PACSIN2: variants seen among roughly 807,000 people sequenced by gnomAD.
PACSIN2 encodes the protein protein kinase C and casein kinase substrate in neurons protein 2.
In PACSIN2, 25 loss-of-function variants were observed where a neutral mutation model predicts 63.8. That is an observed-to-expected ratio of 0.39 (90% CI 0.29 to 0.55). The LOEUF (loss-of-function observed/expected upper bound fraction) is 0.55, where lower values mean the gene tolerates loss of function less well. Ranked by LOEUF, PACSIN2 falls within the 20% of genes least tolerant of loss-of-function variation. PACSIN2 has a pLI of 0.62. For missense variants in PACSIN2, 518 were observed against 646.9 expected, an observed-to-expected ratio of 0.80 and a Z score of 2.16; for synonymous variants, 255 against 256.2, an observed-to-expected ratio of 1.00 and a Z score of 0.05.
In PACSIN2 at chr22:42,911,221, A is replaced by G. The variant is rs979032171; in HGVS notation, c.60+800T>C. ...GCCCGGCCATGCAAAGCCTCTTTCCATGAAGGCCAAGAAAGCTCCAGGGGT... is the reference window on the plus strand; with the variant it reads ...GCCCGGCCATGCAAAGCCTCTTTCCGTGAAGGCCAAGAAAGCTCCAGGGGT... On this transcript the variant is annotated intron_variant, in intron 2 of 10. Coordinates refer to ENST00000263246, the MANE Select transcript of PACSIN2 (RefSeq NM_001184970.3). Among the ~76,000 whole-genome samples, 8 of 151,902 alleles carry G rather than the reference A, an allele frequency of 5.3e-5. 1 individual carries two copies. The highest frequency in any genetic ancestry group is 3.9e-4 in the Admixed American group (6 of 15,222).
chr22:42,963,846 A>ATT (rs5845574), intron 1 of PACSIN2, among the ~76,000 whole-genome samples: 1 of 150,518 alleles, frequency 6.6e-6, no homozygotes, highest in African/African-American at 2.4e-5. Flanking sequence ...AATTTCTACA[A>ATT]TTTTTTTTTC....
intron 8 of PACSIN2, among the ~76,000 whole-genome samples, chr22:42,877,701 G>A (rs866271907): frequency 3.9e-5 from 6 of 152,200 alleles, no homozygotes; most frequent in South Asian, 2.1e-4. Context: ...GCTGGGAGCC[G>A]GGAGCTGAGT....
intron 1 of PACSIN2, among the ~76,000 whole-genome samples, chr22:42,971,314 C>T (rs927110865): frequency 1.3e-5 from 2 of 152,268 alleles, no homozygotes; most frequent in South Asian, 2.1e-4. Context: ...CTCCAGCTCC[C>T]GACCGCAAGT....
At chr22:42,945,077 G>A (rs1000776762) in intron 1 of PACSIN2, among the ~76,000 whole-genome samples, 5 of 142,042 alleles carry the variant, frequency 3.5e-5, no homozygotes, top group African/African-American at 1.1e-4. Context: ...TAGCCTGGAC[G>A]ACAGGGCAAG....
intron 1 of PACSIN2, among the ~76,000 whole-genome samples, chr22:42,913,092 A>G (rs974034116): frequency 6.6e-6 from 1 of 152,190 alleles, no homozygotes; most frequent in East Asian, 1.9e-4. Flanking sequence ...GAGTCAGACT[A>G]CCTAGGCTTA....
intron 2 of PACSIN2, 103 bp from the exon 3 acceptor site, chr22:42,893,716 G>A: frequency 8.5e-7 from 1 of 1,178,856 alleles, no homozygotes; most frequent in East Asian, 2.4e-5. Flanking sequence ...GCGCCCCTGG[G>A]GTCATGTTTA....
chr22:42,883,884 A>G (rs565150355), intron 6 of PACSIN2, among the ~76,000 whole-genome samples: 147 of 152,268 alleles, frequency 9.7e-4, no homozygotes, highest in African/African-American at 3.4e-3. Flanking sequence ...CATGCCTGTA[A>G]TCCCAGCTAC....
chr22:42,882,084 A>G, intron 7 of PACSIN2, 100 bp downstream of exon 7: 2 of 1,393,960 alleles, frequency 1.4e-6, no homozygotes, highest in South Asian at 2.3e-5. Context: ...CAGGGCAAAC[A>G]CTAACATAGA....
At chr22:42,888,879 G>T in intron 4 of PACSIN2, 81 bp from the exon 5 acceptor site, 2 of 1,428,558 alleles carry the variant, frequency 1.4e-6, no homozygotes, top group South Asian at 1.2e-5. Flanking sequence ...CCATGGGAAT[G>T]CTTGTGCTAC....
intron 1 of PACSIN2, among the ~76,000 whole-genome samples, chr22:42,981,159 G>T (rs1348211835): frequency 7.4e-6 from 1 of 135,346 alleles, no homozygotes. Context: ...TGTGAGGAGC[G>T]CCTCTGCTGG....
At chr22:42,973,420 C>A (rs1921467368) in intron 1 of PACSIN2, among the ~76,000 whole-genome samples, 1 of 96,446 alleles carries the variant, frequency 1.0e-5, no homozygotes, top group Non-Finnish European at 2.1e-5. Flanking sequence ...GGAATCTGTA[C>A]CACACTGTTT....
chr22:42,896,324 T>A (rs1255708669), intron 2 of PACSIN2, among the ~76,000 whole-genome samples: 2 of 152,148 alleles, frequency 1.3e-5, no homozygotes, highest in Admixed American at 6.5e-5. Flanking sequence ...TGATCCATGT[T>A]GCTATCTACG....
intron 1 of PACSIN2, among the ~76,000 whole-genome samples, chr22:42,977,079 T>G (rs777502695): frequency 2.0e-5 from 3 of 152,040 alleles, no homozygotes; most frequent in Non-Finnish European, 4.4e-5. Context: ...TATATAAACA[T>G]ATATATGCAT....
chr22:42,999,752 C>T (rs982803553), intron 1 of PACSIN2, among the ~76,000 whole-genome samples: 4 of 152,176 alleles, frequency 2.6e-5, no homozygotes, highest in African/African-American at 9.7e-5. Flanking sequence ...CCCTAACTTG[C>T]TGGGGAGACA....
chr22:42,962,668 G>A (rs1278669323), intron 1 of PACSIN2, among the ~76,000 whole-genome samples: 1 of 148,622 alleles, frequency 6.7e-6, no homozygotes, highest in East Asian at 2.0e-4. Flanking sequence ...CCAAGTCACA[G>A]GGCCACCCTC....
chr22:42,974,817 AAG>A (rs1275876695), intron 1 of PACSIN2, among the ~76,000 whole-genome samples: 1 of 151,358 alleles, frequency 6.6e-6, no homozygotes, highest in Non-Finnish European at 1.5e-5. Context: ...AGAAAAGAGA[AAG>A]AAGAAGAAGA....
chr22:43,000,043 C>G (rs1601617855), intron 1 of PACSIN2, among the ~76,000 whole-genome samples: 1 of 152,228 alleles, frequency 6.6e-6, no homozygotes, highest in Non-Finnish European at 1.5e-5. Context: ...GTAGGTATCA[C>G]AACCAATCTC....
intron 1 of PACSIN2, among the ~76,000 whole-genome samples, chr22:42,929,512 C>T (rs1046053292): frequency 7.9e-5 from 12 of 152,186 alleles, no homozygotes; most frequent in African/African-American, 2.4e-5. Context: ...GGCGTGCCTA[C>T]GAATGGCTTG....
chr22:42,923,429 C>CT (rs1013837724), intron 1 of PACSIN2, among the ~76,000 whole-genome samples: 15 of 151,896 alleles, frequency 9.9e-5, no homozygotes, highest in African/African-American at 1.7e-4. Context: ...CCTTCTTCTT[C>CT]TTTTTTTTAT....
Sources: gnomAD v4.1 joint callset for allele counts (sites outside exome capture counted in the v4.1 genomes callset) on GRCh38, gnomAD v4.1.1 for gene constraint, MANE v1.5 for transcripts, NCBI Gene and HGNC (gene_info 2026-07-23, HGNC 2026-07-21) for gene names.